PPP3CA: variants seen among roughly 807,000 people sequenced by gnomAD.
PPP3CA encodes the protein protein phosphatase 3 catalytic subunit alpha, also known as CAM-PRP catalytic subunit.
In PPP3CA, 14 loss-of-function variants were observed where a neutral mutation model predicts 66.5. That is an observed-to-expected ratio of 0.21 (90% CI 0.14 to 0.33). PPP3CA has a LOEUF of 0.33. Among genes scored for constraint, PPP3CA ranks in the 10% least tolerant of loss-of-function variants. PPP3CA has a pLI of 1.00. For synonymous variants in PPP3CA, 232 were observed against 226.2 expected, an observed-to-expected ratio of 1.03 and a Z score of -0.23; for missense variants, 317 against 639.5, an observed-to-expected ratio of 0.50 and a Z score of 5.44.
chr4:101,099,720 A>C lies in PPP3CA; in HGVS notation c.387T>G (p.Cys129Trp). ...YVDRGYFSIE[C>W]VLYLWALKIL... is the part of the protein sequence containing the mutation. ...TTTTCAAGGCCCACAAATACAGCAC[A>C]CACTGAGAAAAATAAAAATAATATA... The change falls in exon 4 of 14, where the codon TGT (cysteine) becomes TGG (tryptophan). Residue 129 changes from cysteine to tryptophan, a missense_variant and splice_region_variant. By Grantham distance (215) the Cys-to-Trp change is radical. Coordinates refer to ENST00000394854, the MANE Select transcript of PPP3CA (RefSeq NM_000944.5). The C allele has an allele frequency of 6.9e-7, 1 of 1,458,896 alleles. No homozygotes were observed. 90.4% of individuals were successfully genotyped at this position (1,458,896 alleles called of 1,614,324 possible).
intron 5 of PPP3CA, among the ~76,000 whole-genome samples, chr4:101,094,621 T>C (rs1578440721): frequency 6.6e-6 from 1 of 152,300 alleles, no homozygotes; most frequent in East Asian, 1.9e-4. Flanking sequence ...CGGGTCATTC[T>C]TCAGTTCACA....
intron 8 of PPP3CA, among the ~76,000 whole-genome samples, chr4:101,064,387 A>G (rs1369795440): frequency 6.6e-6 from 1 of 151,988 alleles, no homozygotes; most frequent in Non-Finnish European, 1.5e-5. Context: ...CCTTTTAAAT[A>G]TTAAATATGA....
chr4:101,192,701 C>T (rs1724645658), intron 2 of PPP3CA, among the ~76,000 whole-genome samples: 1 of 152,152 alleles, frequency 6.6e-6, no homozygotes, highest in South Asian at 2.1e-4. Flanking sequence ...AATTCAATAT[C>T]ATGTAATCTG....
chr4:101,303,759 G>GT (rs1728452127), intron 1 of PPP3CA, among the ~76,000 whole-genome samples: 1 of 152,206 alleles, frequency 6.6e-6, no homozygotes, highest in Admixed American at 6.5e-5. Flanking sequence ...CCTTGTTATC[G>GT]TGAGTACATA....
chr4:101,216,181 C>T (rs928445377), intron 1 of PPP3CA, among the ~76,000 whole-genome samples: 31 of 152,050 alleles, frequency 2.0e-4, no homozygotes, highest in Non-Finnish European at 8.8e-5. Context: ...CAATAAATTA[C>T]GCAGCATTAT....
chr4:101,323,460 T>A (rs1041850658), intron 1 of PPP3CA, among the ~76,000 whole-genome samples: 1 of 152,202 alleles, frequency 6.6e-6, no homozygotes, highest in South Asian at 2.1e-4. Context: ...CAGTCAAGGA[T>A]GGACTGATTA....
Position 101,292,150 on chromosome 4 carries a change from T to C in PPP3CA, c.58+54589A>G, listed in dbSNP as rs555781558. Among the ~76,000 whole-genome samples the C allele has an allele frequency of 1.2e-3, 175 of 151,234 alleles. 1 individual carries two copies. Among genetic ancestry groups the C allele is most frequent in the African/African-American group, 4.2e-3 (173 of 41,166 alleles). On this transcript the variant is annotated intron_variant, in intron 1 of 13. Transcript: ENST00000394854. ...CACACACGGCCCCTATAGTGGGACC[T>C]GACTCTTCCCTAAAAAGTTCTAAAG...
At chr4:101,124,716 AG>A (rs1218917756) in intron 2 of PPP3CA, among the ~76,000 whole-genome samples, 7 of 85,876 alleles carry the variant, frequency 8.2e-5, no homozygotes, top group African/African-American at 3.2e-4. Context: ...AAAGAAAGAA[AG>A]AAAGAAAGAG....
At chr4:101,329,912 G>C (rs565431307) in intron 1 of PPP3CA, among the ~76,000 whole-genome samples, 3 of 152,108 alleles carry the variant, frequency 2.0e-5, no homozygotes, top group African/African-American at 7.2e-5. Flanking sequence ...AATGCACCTA[G>C]TCATCCAAGA....
intron 1 of PPP3CA, among the ~76,000 whole-genome samples, chr4:101,317,188 G>A (rs1053871130): frequency 2.0e-5 from 3 of 151,126 alleles, no homozygotes; most frequent in Non-Finnish European, 2.9e-5. Flanking sequence ...CACAGCAAAA[G>A]AAAACCAGAC....
At chr4:101,298,339 GATATATAT>G (rs3078022) in intron 1 of PPP3CA, among the ~76,000 whole-genome samples, 2 of 143,782 alleles carry the variant, frequency 1.4e-5, no homozygotes, top group African/African-American at 5.1e-5. Flanking sequence ...CAAGCAGGGA[GATATATAT>G]ATATATATAT....
At chr4:101,310,223 A>G (rs1363667580) in intron 1 of PPP3CA, among the ~76,000 whole-genome samples, 1 of 152,206 alleles carries the variant, frequency 6.6e-6, no homozygotes, top group Non-Finnish European at 1.5e-5. Context: ...ACTAAGGCTT[A>G]AATCGAAATA....
chr4:101,107,912 T>C lies in PPP3CA; in HGVS notation c.384+1042A>G, dbSNP rs2659548. ...TTTAATGATCTCTTTTGATAGCCCATGTCAGCTACTATACATGAGGTCTGA... is the reference window on the plus strand; with the variant it reads ...TTTAATGATCTCTTTTGATAGCCCACGTCAGCTACTATACATGAGGTCTGA... On this transcript the variant is annotated intron_variant, in intron 3 of 13. Transcript: ENST00000394854. 3.3e-5 allele frequency among the ~76,000 whole-genome samples: 5 copies of C among 152,356 alleles called. No individual in the cohort carries two copies. The East Asian group carries it at 9.6e-4, about 29-fold the overall frequency.
chr4:101,032,355 A>T lies in PPP3CA; in HGVS notation c.1251T>A (p.Ser417Arg), dbSNP rs1727006857. 5 of 1,611,288 alleles carry T rather than the reference A, an allele frequency of 3.1e-6. No homozygotes were observed. The highest frequency in any genetic ancestry group is 2.5e-6 in the Non-Finnish European group (3 of 1,178,988). The change falls in exon 12 of 14, where the codon AGT becomes AGA. Residue 417 changes from serine (S) to arginine (R), a missense_variant. Around this residue, in one of 3 missense-constraint regions of PPP3CA, gnomAD observed 201 missense variants for 501.4 expected, o/e 0.40. Coordinates refer to ENST00000394854, the MANE Select transcript of PPP3CA (RefSeq NM_000944.5). ...AGCCTTTCAGCGTCAGCACACTCTC[A>T]CTCTCTTCTCTGGAAGGCACAATGA... ...ARVFSVLREESESVLTLKGLT... is the reference protein window; with the variant it reads ...ARVFSVLREERESVLTLKGLT...
intron 2 of PPP3CA, among the ~76,000 whole-genome samples, chr4:101,170,281 C>T (rs1160595748): frequency 2.7e-5 from 4 of 149,998 alleles, no homozygotes; most frequent in Non-Finnish European, 5.9e-5. Context: ...AAAAAAAAAA[C>T]TCCTCCTGAC....
intron 6 of PPP3CA, among the ~76,000 whole-genome samples, chr4:101,084,860 C>T (rs968672550): frequency 6.6e-6 from 1 of 152,140 alleles, no homozygotes; most frequent in African/African-American, 2.4e-5. Context: ...AAACATCTAA[C>T]TGATGAACAT....
chr4:101,086,687 ACAACT>A (rs1292437157), intron 6 of PPP3CA, among the ~76,000 whole-genome samples: 1 of 152,170 alleles, frequency 6.6e-6, no homozygotes, highest in Non-Finnish European at 1.5e-5. Context: ...TAAGGTGTAC[ACAACT>A]GCTGTATCCA....
At chr4:101,284,059 T>G (rs894728565) in intron 1 of PPP3CA, among the ~76,000 whole-genome samples, 7 of 152,320 alleles carry the variant, frequency 4.6e-5, no homozygotes, top group Non-Finnish European at 8.8e-5. Context: ...ATAGCTCAGA[T>G]TCTCTAAACA....
chr4:101,308,013 C>A (rs1728601547), intron 1 of PPP3CA, among the ~76,000 whole-genome samples: 1 of 152,104 alleles, frequency 6.6e-6, no homozygotes, highest in African/African-American at 2.4e-5. Context: ...ACTAAGCAGT[C>A]AAGGGAGAAT....
Sources: allele counts gnomAD v4.1 joint callset (sites outside exome capture counted in the v4.1 genomes callset), GRCh38; gene constraint gnomAD v4.1.1; regional missense constraint gnomAD v4.1.1; transcripts MANE v1.5; gene names NCBI Gene and HGNC (gene_info 2026-07-23, HGNC 2026-07-21).